Variants in EXPH5 observed in about 807,000 individuals in gnomAD.
The protein encoded by EXPH5 is exophilin 5.
A neutral mutation model predicts 41.1 loss-of-function variants in EXPH5; 42 were observed. The observed-to-expected ratio is 1.02, with a 90% CI of 0.80 to 1.32. The LOEUF (loss-of-function observed/expected upper bound fraction) is 1.32, where lower values mean the gene tolerates loss of function less well. Ranked by LOEUF, EXPH5 falls within the 40% of genes most tolerant of loss-of-function variation. The pLI, the probability that EXPH5 is intolerant of heterozygous loss-of-function variation, is 0.00. For missense variants in EXPH5, 2,298 were observed against 2,314.5 expected (o/e 0.99, Z 0.15); for synonymous variants, 798 against 833.5 (o/e 0.96, Z 0.73).
At chr11:108,543,618 G>A (rs1175015078) in intron 1 of EXPH5, among the ~76,000 whole-genome samples, 2 of 152,222 alleles carry the variant, frequency 1.3e-5, no homozygotes, top group Non-Finnish European at 2.9e-5. Flanking sequence ...TGCTAAGGGG[G>A]TGATGAGCAA....
At chr11:108,550,992 C>A (rs945165940) in intron 1 of EXPH5, among the ~76,000 whole-genome samples, 7 of 152,042 alleles carry the variant, frequency 4.6e-5, no homozygotes, top group African/African-American at 1.7e-4. Context: ...TATAATCTGG[C>A]CAAACACCCT....
Position 108,512,656 on chromosome 11 carries a change from G to GCA in EXPH5, c.2849_2850dup (p.Pro951CysfsTer27). 5.0e-6 allele frequency: 8 copies of GCA among 1,614,106 alleles called. No individual in the cohort carries two copies. Among genetic ancestry groups the GCA allele is most frequent in the Non-Finnish European group, 6.8e-6 (8 of 1,180,008 alleles). On this transcript the variant is annotated frameshift_variant, in exon 6 of 6. Transcript: ENST00000265843. LOFTEE classifies it low-confidence loss of function (END_TRUNC). ...ACATCAACCACTTCATCATGTGTAG[G>GCA]CACAGGACTATCATTTCTCTCTTGG... is the stretch of plus-strand genomic sequence containing the variant.
At chr11:108,519,160 T>G (rs1042822362) in intron 4 of EXPH5, among the ~76,000 whole-genome samples, 3 of 152,042 alleles carry the variant, frequency 2.0e-5, no homozygotes, top group Non-Finnish European at 4.4e-5. Flanking sequence ...CCAAGAACCC[T>G]CTCTTGGGGT....
chr11:108,571,087 C>G, intron 1 of EXPH5, among the ~76,000 whole-genome samples: 1 of 152,106 alleles, frequency 6.6e-6, no homozygotes, highest in East Asian at 1.9e-4. Flanking sequence ...AGCCTCAGCT[C>G]GGTGGAACTG....
intron 1 of EXPH5, among the ~76,000 whole-genome samples, chr11:108,592,488 A>C (rs544557405): frequency 4.6e-5 from 7 of 152,332 alleles, no homozygotes; most frequent in Admixed American, 3.3e-4. Context: ...AATGGCACAC[A>C]GTGTGGTCTG....
At chr11:108,515,185 A>G (rs1328704046) in intron 5 of EXPH5, among the ~76,000 whole-genome samples, 1 of 152,136 alleles carries the variant, frequency 6.6e-6, no homozygotes, top group African/African-American at 2.4e-5. Flanking sequence ...TAGTGCATCT[A>G]AAGTGTATTG....
At chr11:108,605,819 G>C in the EXPH5 span, among the ~76,000 whole-genome samples, 193 of 152,326 alleles carry the variant, frequency 1.3e-3, no homozygotes, top group African/African-American at 4.4e-3. Flanking sequence ...TAATAATTCA[G>C]CAGCAGAGGC....
rs764546728 is a variant in EXPH5, at chr11:108,510,728, G to A, written c.4779C>T (p.His1593=). Residue 1593 remains histidine, a synonymous_variant, in exon 6 of 6, where the codon CAC becomes CAT. Transcript: ENST00000265843. ...VKGENRSSVK[H]RLAAMSKASR... ...TGGCTTTAGACATGGCTGCCAATCT[G>A]TGTTTAACTGAAGATCTATTTTCCC... is the stretch of plus-strand genomic sequence containing the variant. 1.2e-6 allele frequency: 2 copies of A among 1,614,180 alleles called. No individual in the cohort carries two copies. Among genetic ancestry groups the A allele is most frequent in the Admixed American group, 1.7e-5 (1 of 60,030 alleles).
At chr11:108,582,860 C>T (rs1281084291) in intron 1 of EXPH5, among the ~76,000 whole-genome samples, 1 of 152,160 alleles carries the variant, frequency 6.6e-6, no homozygotes, top group Non-Finnish European at 1.5e-5. Context: ...GCTTGTCTGT[C>T]TTTGTGTCCA....
chr11:108,593,163 C>T (rs1235935258), intron 1 of EXPH5, among the ~76,000 whole-genome samples: 2 of 152,234 alleles, frequency 1.3e-5, no homozygotes. Flanking sequence ...GCACGGACCC[C>T]CCCACCCTGC....
At position 108,510,647 on chromosome 11, in the gene EXPH5, G is replaced by A. The variant is rs754547787; in HGVS notation, c.4860C>T (p.Phe1620=). 2 of 1,614,182 alleles carry A rather than the reference G, an allele frequency of 1.2e-6. No individual in the cohort carries two copies. The highest frequency in any genetic ancestry group is 2.2e-5 in the South Asian group (2 of 91,070). Residue 1620 remains phenylalanine (F), a synonymous_variant, in exon 6 of 6, where the codon TTC becomes TTT. Transcript: ENST00000265843. ...AGCCAGATCTGCTTCCACTTTGGGGGAAGATAGTAGCTACATGTCTTCTGG... is the reference window on the plus strand; with the variant it reads ...AGCCAGATCTGCTTCCACTTTGGGGAAAGATAGTAGCTACATGTCTTCTGG... The part of the protein sequence containing the change: ...VSPRRHVATI[F]PQSGSRSGFD...
chr11:108,606,278 G>C, the EXPH5 span, among the ~76,000 whole-genome samples: 1 of 152,082 alleles, frequency 6.6e-6, no homozygotes, highest in Non-Finnish European at 1.5e-5. Flanking sequence ...CCCCACACCA[G>C]TCCCTGTCAG....
In EXPH5 at chr11:108,512,660, A is replaced by G; in HGVS notation, c.2847T>C (p.Pro949=). 6.2e-7 allele frequency: 1 copy of G among 1,614,184 alleles called. No homozygotes were observed. Among genetic ancestry groups the G allele is most frequent in the East Asian group, 2.2e-5 (1 of 44,888 alleles). Residue 949 remains proline (P), a synonymous_variant, in exon 6 of 6, where the codon CCT becomes CCC. Coordinates refer to ENST00000265843, the MANE Select transcript of EXPH5 (RefSeq NM_015065.3). ...CAACCACTTCATCATGTGTAGGCACAGGACTATCATTTCTCTCTTGGTTTT... is the reference window on the plus strand; with the variant it reads ...CAACCACTTCATCATGTGTAGGCACGGGACTATCATTTCTCTCTTGGTTTT... ...HSENQERNDS[P]VPTHDEVVDV...
rs375213389 is a variant in EXPH5 at position 108,514,451 on chromosome 11, A to C, written c.1056T>G (p.Ser352Arg). 45 of 1,613,404 alleles carry C rather than the reference A, an allele frequency of 2.8e-5. No homozygotes were observed. Among genetic ancestry groups the C allele is most frequent in the Non-Finnish European group, 3.7e-5 (44 of 1,179,844 alleles). ...GCTGGTGCCTTGGTGGTATAAACCC[A>C]CTCTTGCTCTGAGTTGTGGCTGGAA... Reference protein sequence around the residue: ...LHFPATTQSKSGFIPPRHQQS... With the variant: ...LHFPATTQSKRGFIPPRHQQS... The change falls in exon 6 of 6, where the codon AGT becomes AGG. Residue 352 changes from serine to arginine, a missense_variant. Ser to Arg is a moderately radical substitution (Grantham distance 110). Transcript: ENST00000265843.
At chr11:108,604,227 C>CAAAA in the EXPH5 span, among the ~76,000 whole-genome samples, 17 of 109,702 alleles carry the variant, frequency 1.5e-4, no homozygotes, top group Non-Finnish European at 1.8e-4. Flanking sequence ...CCCATCTCTA[C>CAAAA]AAAAAAAAAA....
At chr11:108,593,857 C>G, upstream of EXPH5, 1 of 1,001,088 alleles carries the variant, frequency 1.0e-6, no homozygotes, top group South Asian at 1.4e-5. Context: ...TCGTCTCGTC[C>G]CGTCCCTCGT....
intron 4 of EXPH5, among the ~76,000 whole-genome samples, chr11:108,525,716 C>T (rs1443526920): frequency 1.3e-4 from 20 of 152,108 alleles, no homozygotes; most frequent in Non-Finnish European, 5.9e-5. Flanking sequence ...CACCTCAAAT[C>T]TTGGGGAGAA....
Position 108,505,579 on chromosome 11 carries a change from A to G in EXPH5, c.*3958T>C, listed in dbSNP as rs145943721. 1 of 152,320 alleles carries G rather than the reference A, an allele frequency of 6.6e-6. No homozygotes were observed. Among genetic ancestry groups the G allele is most frequent in the East Asian group, 1.9e-4 (1 of 5,188 alleles). 9.4% of individuals were successfully genotyped at this position (152,320 alleles called of 1,614,324 possible). On this transcript the variant is annotated 3_prime_UTR_variant, in exon 6 of 6. Transcript: ENST00000265843. ...GTTTTAACAAAAGTGCTTACAGCTT[A>G]TTTGTTTCAGATATACAGAACTGCC...
chr11:108,599,939 TA>T, the EXPH5 span, among the ~76,000 whole-genome samples: 1 of 152,226 alleles, frequency 6.6e-6, no homozygotes, highest in East Asian at 1.9e-4. Context: ...CACTTCTTCA[TA>T]AGCAAAGACC....
Sources: allele counts gnomAD v4.1 joint callset (sites outside exome capture counted in the v4.1 genomes callset), GRCh38; gene constraint gnomAD v4.1.1; transcripts MANE v1.5; gene names NCBI Gene and HGNC (gene_info 2026-07-23, HGNC 2026-07-21).